The following ITGA9 variants were observed in gnomAD, a reference collection of about 807,000 sequenced individuals.
ITGA9 encodes the protein integrin subunit alpha 9.
In ITGA9, 56 loss-of-function variants were observed where a neutral mutation model predicts 127.8. The observed-to-expected ratio is 0.44, with a 90% CI of 0.35 to 0.55. ITGA9 has a LOEUF of 0.55. ITGA9 is among the 20% of genes least tolerant of loss of function. ITGA9 has a pLI of 0.00. For synonymous variants in ITGA9, 508 were observed against 514.5 expected (o/e 0.99, Z 0.17); for missense variants, 1,196 against 1,347.1 (o/e 0.89, Z 1.76).
chr3:37,491,565 G>T (rs1456431762), intron 4 of ITGA9, among the ~76,000 whole-genome samples: 1 of 152,172 alleles, frequency 6.6e-6, no homozygotes, highest in Non-Finnish European at 1.5e-5. Context: ...CCCTTCCCAG[G>T]TCCCTCCACC....
At chr3:37,809,160 A>G (rs1697336157) in intron 27 of ITGA9, among the ~76,000 whole-genome samples, 1 of 144,018 alleles carries the variant, frequency 6.9e-6, no homozygotes. Context: ...ATCTTGACTC[A>G]CTGCAACCTC....
intron 16 of ITGA9, among the ~76,000 whole-genome samples, chr3:37,643,238 A>G (rs1027441492): frequency 2.0e-5 from 3 of 152,220 alleles, no homozygotes; most frequent in Admixed American, 2.0e-4. Flanking sequence ...TCTTATGGGT[A>G]TCAGCTTCTG....
At chr3:37,794,158 T>C (rs1697145600) in intron 26 of ITGA9, among the ~76,000 whole-genome samples, 1 of 152,238 alleles carries the variant, frequency 6.6e-6, no homozygotes, top group African/African-American at 2.4e-5. Flanking sequence ...CCTGTCACTC[T>C]GACATCACCC....
intron 23 of ITGA9, among the ~76,000 whole-genome samples, chr3:37,772,316 G>A (rs901900752): frequency 3.9e-5 from 6 of 152,056 alleles, no homozygotes; most frequent in African/African-American, 1.4e-4. Flanking sequence ...GGTGAGGCAG[G>A]AGAATTACTT....
chr3:37,512,272 T>G (rs919645063), intron 8 of ITGA9, among the ~76,000 whole-genome samples: 3 of 149,648 alleles, frequency 2.0e-5, no homozygotes, highest in Non-Finnish European at 4.4e-5. Context: ...CAGGCTAGAG[T>G]GCAGTGGCAT....
rs752478910 is a variant in ITGA9 at position 37,741,807 on chromosome 3, C to A, written c.2312C>A (p.Thr771Lys). 2 of 1,613,232 alleles carry A rather than the reference C, an allele frequency of 1.2e-6. No homozygotes were observed. The highest frequency in any genetic ancestry group is 4.5e-5 in the East Asian group (2 of 44,828). ...GTGCCACTGATGCACGAGGTGGACA[C>A]GTCCATCACCGGGTGAGTAGCCTGG... ...LMVPLMHEVDTSITGIMSPTS... is the reference protein window; with the variant it reads ...LMVPLMHEVDKSITGIMSPTS... Residue 771 changes from threonine to lysine, a missense_variant, in exon 21 of 28, where the codon ACG becomes AAG. By Grantham distance (78) the Thr-to-Lys change is moderately conservative. Transcript: ENST00000264741.
At chr3:37,770,133 T>G (rs984220662) in intron 23 of ITGA9, among the ~76,000 whole-genome samples, 2 of 152,218 alleles carry the variant, frequency 1.3e-5, no homozygotes, top group Non-Finnish European at 2.9e-5. Context: ...TCTAGCTGGT[T>G]GAACCTCAAA....
rs7427894 is a variant in ITGA9 at position 37,748,827 on chromosome 3, G to A, written c.2434-1635G>A. 6 of 1,057,616 alleles carry A rather than the reference G, an allele frequency of 5.7e-6. No individual in the cohort carries two copies. The East Asian group carries it at 9.5e-5, about 17-fold the overall frequency. The allele number at this position is 1,057,616 out of a possible 1,614,324, so 65.5% of individuals were successfully genotyped here. ...CTGAAGCACCAGCCTGCACCACCCAGAGAAGCACACTTTGTGAGAACCAAT... is the reference window on the plus strand; with the variant it reads ...CTGAAGCACCAGCCTGCACCACCCAAAGAAGCACACTTTGTGAGAACCAAT... On this transcript the variant is annotated intron_variant, in intron 22 of 27. Coordinates refer to ENST00000264741, the MANE Select transcript of ITGA9 (RefSeq NM_002207.3).
intron 1 of ITGA9, among the ~76,000 whole-genome samples, chr3:37,462,389 G>A (rs944293825): frequency 1.3e-4 from 20 of 152,166 alleles, no homozygotes; most frequent in Non-Finnish European, 4.4e-5. Flanking sequence ...TGTAACCTAG[G>A]CTCTCCAGGA....
chr3:37,553,703 C>G (rs146088743), intron 15 of ITGA9, among the ~76,000 whole-genome samples: 1 of 152,232 alleles, frequency 6.6e-6, no homozygotes, highest in African/African-American at 2.4e-5. Flanking sequence ...TCCTCTGCTC[C>G]TGGGAGCACA....
chr3:37,673,594 G>A (rs1700657073), intron 17 of ITGA9, among the ~76,000 whole-genome samples: 1 of 152,096 alleles, frequency 6.6e-6, no homozygotes, highest in Admixed American at 6.5e-5. Flanking sequence ...CAACTCTAAG[G>A]GTGTCAGCAG....
At chr3:37,466,272 C>G (rs1334945711) in intron 1 of ITGA9, among the ~76,000 whole-genome samples, 1 of 151,912 alleles carries the variant, frequency 6.6e-6, no homozygotes, top group Non-Finnish European at 1.5e-5. Flanking sequence ...CACCTGAGGT[C>G]AGAAGTTCAA....
chr3:37,612,455 CTATAA>C (rs1394527248), intron 15 of ITGA9, among the ~76,000 whole-genome samples: 1 of 152,284 alleles, frequency 6.6e-6, no homozygotes, highest in South Asian at 2.1e-4. Context: ...GTGTCTACAA[CTATAA>C]TATAGTGTGT....
intron 1 of ITGA9, among the ~76,000 whole-genome samples, chr3:37,461,399 G>T (rs1466660443): frequency 6.6e-6 from 1 of 152,122 alleles, no homozygotes; most frequent in African/African-American, 2.4e-5. Context: ...AGTAATAAGG[G>T]TACATCCCTC....
intron 15 of ITGA9, among the ~76,000 whole-genome samples, chr3:37,565,265 C>G (rs1461693179): frequency 6.6e-6 from 1 of 152,000 alleles, no homozygotes; most frequent in Non-Finnish European, 1.5e-5. Context: ...TTTTAGGGAC[C>G]CTGGAGTGTT....
At chr3:37,750,721 C>T (rs535761091) in intron 23 of ITGA9, 152 bp downstream of exon 23, 1 of 695,178 alleles carries the variant, frequency 1.4e-6, no homozygotes, top group South Asian at 1.5e-5. Context: ...GCCAGGGGAC[C>T]TGTGATACCT....
intron 15 of ITGA9, among the ~76,000 whole-genome samples, chr3:37,546,029 G>T (rs9823200): frequency 0.04 from 6,141 of 152,180 alleles, 400 homozygotes; most frequent in African/African-American, 0.14. Flanking sequence ...AACTCATACT[G>T]CCTGTGATAT....
intron 1 of ITGA9, among the ~76,000 whole-genome samples, chr3:37,457,897 TGAGTGTGA>T (rs1324572858): frequency 1.1e-4 from 16 of 152,306 alleles, no homozygotes; most frequent in Admixed American, 8.5e-4. Context: ...TTAACGGCCC[TGAGTGTGA>T]GAGTGTGAAG....
In ITGA9 at chr3:37,699,926, A is replaced by G. The variant is rs181730120; in HGVS notation, c.2067+15911A>G. On this transcript the variant is annotated intron_variant, in intron 18 of 27. Coordinates refer to ENST00000264741, the MANE Select transcript of ITGA9 (RefSeq NM_002207.3). ...AATATCCTACTACTCCAAACACCCTATCTGTCCTCTTTATCTTGCTTTTCT... is the reference window on the plus strand; with the variant it reads ...AATATCCTACTACTCCAAACACCCTGTCTGTCCTCTTTATCTTGCTTTTCT... 9.5e-3 allele frequency among the ~76,000 whole-genome samples: 1,445 copies of G among 152,178 alleles called. 6 individuals carry two copies. Among genetic ancestry groups the G allele is most frequent in the Non-Finnish European group, 0.015 (1,005 of 67,996 alleles).
Sources: gnomAD v4.1 joint callset for allele counts (sites outside exome capture counted in the v4.1 genomes callset) on GRCh38, gnomAD v4.1.1 for gene constraint, MANE v1.5 for transcripts, NCBI Gene and HGNC (gene_info 2026-07-23, HGNC 2026-07-21) for gene names.